The following NBEA variants were observed in gnomAD, a reference collection of about 807,000 sequenced individuals.
NBEA encodes the protein neurobeachin, also known as lysosomal-trafficking regulator 2.
A neutral mutation model predicts 343.4 loss-of-function variants in NBEA; 44 were observed. That is an observed-to-expected ratio of 0.13 (90% CI 0.10 to 0.16). NBEA has a LOEUF of 0.16. Ranked by LOEUF, NBEA falls within the 10% of genes least tolerant of loss-of-function variation. NBEA has a pLI of 1.00. For missense variants in NBEA, 2,555 were observed against 3,631.3 expected, an observed-to-expected ratio of 0.70 and a Z score of 7.62; for synonymous variants, 1,175 against 1,238.7, an observed-to-expected ratio of 0.95 and a Z score of 1.08.
rs1594080977 is a variant in NBEA, at chr13:35,286,388, G to A, written c.5777-4001G>A. Among the ~76,000 whole-genome samples the A allele has an allele frequency of 2.6e-5, 4 of 152,172 alleles. No homozygotes were observed. In the South Asian group the frequency reaches 8.3e-4, roughly 32 times the overall value. On this transcript the variant is annotated intron_variant, in intron 34 of 58. Coordinates refer to ENST00000379939, the MANE Select transcript of NBEA (RefSeq NM_001385012.1). ...TCAAAGCAATCATAGATGTCTGTCAGAGTCTCCTCTCTTGGATCCTTACTT... is the reference window on the plus strand; with the variant it reads ...TCAAAGCAATCATAGATGTCTGTCAAAGTCTCCTCTCTTGGATCCTTACTT...
chr13:35,052,828 T>C (rs1395376934), intron 6 of NBEA, among the ~76,000 whole-genome samples: 1 of 152,048 alleles, frequency 6.6e-6, no homozygotes, highest in Non-Finnish European at 1.5e-5. Context: ...TTTAATTTTA[T>C]CATATATTAT....
intron 34 of NBEA, among the ~76,000 whole-genome samples, chr13:35,279,605 A>C (rs778472622): frequency 1.3e-5 from 2 of 152,168 alleles, no homozygotes; most frequent in Non-Finnish European, 1.5e-5. Context: ...CAATACAATG[A>C]ATTAGAAAGT....
Position 35,069,946 on chromosome 13 carries a change from G to T in NBEA, c.1278G>T (p.Leu426Phe). The change falls in exon 9 of 59, where the codon TTG becomes TTT. Residue 426 changes from leucine to phenylalanine, a missense_variant. Physicochemically the swap from Leu to Phe is conservative, Grantham distance 22. Transcript: ENST00000379939. ...TTAAATCTGAGAGTGATATTCATTTGGCAGAACATCATAAACAGGTGTTAT... is the reference window on the plus strand; with the variant it reads ...TTAAATCTGAGAGTGATATTCATTTTGCAGAACATCATAAACAGGTGTTAT... ...FKFKSESDIH[L>F]AEHHKQVLYD... is the part of the protein sequence containing the mutation. 1 of 1,589,458 alleles carries T rather than the reference G, an allele frequency of 6.3e-7. No individual in the cohort carries two copies. Among genetic ancestry groups the T allele is most frequent in the Non-Finnish European group, 8.6e-7 (1 of 1,167,382 alleles).
At position 35,159,261 on chromosome 13, in the gene NBEA, A is replaced by G; in HGVS notation, c.3090A>G (p.Ser1030=). The G allele has an allele frequency of 6.2e-7, 1 of 1,613,566 alleles. No individual in the cohort carries two copies. Among genetic ancestry groups the G allele is most frequent in the Non-Finnish European group, 8.5e-7 (1 of 1,179,624 alleles). The change falls in exon 22 of 59, where the codon TCA becomes TCG. Residue 1030 remains serine, a synonymous_variant. Coordinates refer to ENST00000379939, the MANE Select transcript of NBEA (RefSeq NM_001385012.1). ...CAGATACTCGAGACTTACTCATGTC[A>G]ACAAAAGTGTCAGATGATATTCTTG... The part of the protein sequence containing the change: ...VSTDTRDLLM[S]TKVSDDILGN...
intron 17 of NBEA, among the ~76,000 whole-genome samples, chr13:35,132,656 CTATA>C (rs2067490941): frequency 6.6e-6 from 1 of 152,146 alleles, no homozygotes; most frequent in Non-Finnish European, 1.5e-5. Flanking sequence ...GATGCAAAAA[CTATA>C]TACTATATGC....
chr13:34,943,387 A>G (rs982616086), intron 1 of NBEA, among the ~76,000 whole-genome samples: 3 of 151,950 alleles, frequency 2.0e-5, no homozygotes, highest in African/African-American at 4.8e-5. Context: ...ACCGCGAGTA[A>G]CCCAGTACCC....
At chr13:35,057,047 C>A (rs1157369026) in intron 7 of NBEA, among the ~76,000 whole-genome samples, 1 of 152,124 alleles carries the variant, frequency 6.6e-6, no homozygotes, top group Admixed American at 6.6e-5. Flanking sequence ...AGGGTCCTTA[C>A]GGTTTCTCTA....
At chr13:34,962,361 C>G (rs1419879558) in intron 1 of NBEA, among the ~76,000 whole-genome samples, 1 of 151,956 alleles carries the variant, frequency 6.6e-6, no homozygotes, top group African/African-American at 2.4e-5. Context: ...GGTTATATGT[C>G]AGTAAACCTC....
intron 41 of NBEA, among the ~76,000 whole-genome samples, chr13:35,532,136 T>G (rs2078294936): frequency 6.6e-6 from 1 of 152,188 alleles, no homozygotes; most frequent in Non-Finnish European, 1.5e-5. Flanking sequence ...AGACCCTATT[T>G]TGGAGCTAAA....
chr13:35,625,701 G>C (rs1401523733), intron 48 of NBEA, among the ~76,000 whole-genome samples: 1 of 151,778 alleles, frequency 6.6e-6, no homozygotes, highest in Non-Finnish European at 1.5e-5. Flanking sequence ...AATGGGTAAG[G>C]GATATGAACA....
At chr13:35,322,916 C>T (rs1262617235) in intron 36 of NBEA, among the ~76,000 whole-genome samples, 2 of 152,142 alleles carry the variant, frequency 1.3e-5, no homozygotes, top group Non-Finnish European at 2.9e-5. Context: ...GTGGCATGAT[C>T]TCGGCTCACT....
At chr13:35,366,335 C>T (rs2041108742) in intron 38 of NBEA, among the ~76,000 whole-genome samples, 1 of 151,250 alleles carries the variant, frequency 6.6e-6, no homozygotes. Context: ...TAACAGATAA[C>T]ACTTACTAGA....
chr13:35,082,735 C>T (rs1352660944), intron 10 of NBEA, among the ~76,000 whole-genome samples: 1 of 152,168 alleles, frequency 6.6e-6, no homozygotes, highest in African/African-American at 2.4e-5. Context: ...AGTGTCTGTT[C>T]ATATACTTCT....
intron 33 of NBEA, among the ~76,000 whole-genome samples, chr13:35,225,529 G>T (rs956259276): frequency 6.6e-6 from 1 of 152,112 alleles, no homozygotes; most frequent in Non-Finnish European, 1.5e-5. Flanking sequence ...GAAGTTTTCT[G>T]CAGTCTTCCA....
intron 44 of NBEA, 143 bp downstream of exon 44, chr13:35,555,245 CAG>C: frequency 5.8e-6 from 3 of 515,338 alleles, no homozygotes; most frequent in Non-Finnish European, 1.0e-5. Context: ...TAAATTTTAT[CAG>C]AAACTGTGCA....
chr13:35,435,441 C>G (rs151030797), intron 39 of NBEA, among the ~76,000 whole-genome samples: 1 of 151,962 alleles, frequency 6.6e-6, no homozygotes, highest in Non-Finnish European at 1.5e-5. Flanking sequence ...CAGGAATGTT[C>G]TTGTTTTGAG....
intron 36 of NBEA, among the ~76,000 whole-genome samples, chr13:35,347,394 G>A (rs947870897): frequency 1.2e-4 from 18 of 151,740 alleles, no homozygotes; most frequent in South Asian, 2.1e-4. Context: ...TAAAATCCCC[G>A]GAAAGAAAAA....
intron 41 of NBEA, among the ~76,000 whole-genome samples, chr13:35,494,144 GTAAT>G (rs1157304397): frequency 6.6e-6 from 1 of 151,904 alleles, no homozygotes; most frequent in African/African-American, 2.4e-5. Context: ...TAGTAAGAAA[GTAAT>G]TAATCACTTT....
chr13:35,013,405 C>G (rs1566162626), intron 1 of NBEA, among the ~76,000 whole-genome samples: 1 of 151,834 alleles, frequency 6.6e-6, no homozygotes, highest in African/African-American at 2.4e-5. Flanking sequence ...CAGAGATACA[C>G]TTCGGACATA....
Sources: gnomAD v4.1 joint callset for allele counts (sites outside exome capture counted in the v4.1 genomes callset) on GRCh38, gnomAD v4.1.1 for gene constraint, MANE v1.5 for transcripts, NCBI Gene and HGNC (gene_info 2026-07-23, HGNC 2026-07-21) for gene names.